TEKT4: variants seen among roughly 807,000 people sequenced by gnomAD.
TEKT4 encodes tektin 4.
In TEKT4, 46 loss-of-function variants were observed where a neutral mutation model predicts 46.0. The ratio of observed to expected loss-of-function variants is 1.00; its 90% confidence interval spans 0.79 to 1.28. The LOEUF (loss-of-function observed/expected upper bound fraction) is 1.28, where lower values mean the gene tolerates loss of function less well. TEKT4 is among the 50% of genes most tolerant of loss of function. The probability of loss-of-function intolerance (pLI) is 0.00; values close to 1 mark genes in which losing one functional copy is unlikely to be tolerated. For missense variants in TEKT4, 790 were observed against 622.9 expected, an observed-to-expected ratio of 1.27 and a Z score of -2.85; for synonymous variants, 325 against 265.8, an observed-to-expected ratio of 1.22 and a Z score of -2.17.
rs782220031 is a variant in TEKT4, at chr2:94,873,560, G to A, written c.539G>A (p.Arg180Lys). ...LIRNIQELLK[R>K]TIMQAVSQIR... ...CGGAACATTCAGGAGCTGCTGAAGA[G>A]AACCATCATGCAAGCAGTGAGCCAG... Residue 180 changes from arginine (R) to lysine (K), a missense_variant, in exon 2 of 6, where the codon AGA (arginine) becomes AAA (lysine). Transcript: ENST00000295201. 8.7e-6 allele frequency: 14 copies of A among 1,612,860 alleles called. No individual in the cohort carries two copies. Among genetic ancestry groups the A allele is most frequent in the Non-Finnish European group, 1.0e-5 (12 of 1,180,002 alleles).
chr2:94,874,725 G>A, intron 3 of TEKT4, 51 bp from the exon 4 acceptor site: 1 of 1,476,822 alleles, frequency 6.8e-7, no homozygotes, highest in Non-Finnish European at 9.0e-7. Context: ...AGGGCTCCCA[G>A]CCTTCGGCAG....
rs1350156755 is a variant in TEKT4 at position 94,871,953 on chromosome 2, G to A, written c.374G>A (p.Arg125Gln). 26 of 1,601,800 alleles carry A rather than the reference G, an allele frequency of 1.6e-5. No individual in the cohort carries two copies. The highest frequency in any genetic ancestry group is 3.4e-5 in the Admixed American group (2 of 59,474). ...AACTTGCTCCTGGCCCAGAAGCAACGGCTGGAGCGCGCCCTGGACGCCACA... is the reference window on the plus strand; with the variant it reads ...AACTTGCTCCTGGCCCAGAAGCAACAGCTGGAGCGCGCCCTGGACGCCACA... Reference protein sequence around the residue: ...ETNLLLAQKQRLERALDATEV... With the variant: ...ETNLLLAQKQQLERALDATEV... The change falls in exon 1 of 6, where the codon CGG becomes CAG. Residue 125 changes from arginine to glutamine, a missense_variant. Physicochemically the swap from Arg to Gln is conservative, Grantham distance 43. Transcript: ENST00000295201.
rs577396367 is a variant in TEKT4 at position 94,872,063 on chromosome 2, A to G, written c.484A>G (p.Thr162Ala). 3.2e-6 allele frequency: 5 copies of G among 1,545,634 alleles called. No individual in the cohort carries two copies. The South Asian group carries it at 5.9e-5, about 18-fold the overall frequency. The change falls in exon 1 of 6, where the codon ACG (threonine) becomes GCG (alanine). Residue 162 changes from threonine (T) to alanine (A), a missense_variant. Physicochemically the swap from Thr to Ala is moderately conservative, Grantham distance 58. Coordinates refer to ENST00000295201, the MANE Select transcript of TEKT4 (RefSeq NM_144705.4). ...HPNLVRDHVETELLKEAELIR... is the reference protein window; with the variant it reads ...HPNLVRDHVEAELLKEAELIR... ...CAACCTCGTGCGCGACCATGTGGAA[A>G]CGGAGCTGCTGAAGGTGCCAGCACC...
At chr2:94,872,893 C>A (rs556402371) in intron 1 of TEKT4, 6 of 1,289,394 alleles carry the variant, frequency 4.7e-6, no homozygotes, top group South Asian at 3.7e-5. Context: ...AACAAGGGCA[C>A]CTGCCAACTG....
At position 94,871,781 on chromosome 2, in the gene TEKT4, G is replaced by C. The variant is rs782562582; in HGVS notation, c.202G>C (p.Glu68Gln). The change falls in exon 1 of 6, where the codon GAG becomes CAG. Residue 68 changes from glutamate (E) to glutamine (Q), a missense_variant. Glu to Gln is a conservative substitution (Grantham distance 29). Transcript: ENST00000295201. ...CGACCAGTCGGAGCGGCAGCGGCAC[G>C]AGAGCCAGCAGCTGGCCACAGAGAC... is the stretch of plus-strand genomic sequence containing the variant. ...DRDQSERQRHESQQLATETQA... is the reference protein window; with the variant it reads ...DRDQSERQRHQSQQLATETQA... 1.2e-6 allele frequency: 2 copies of C among 1,612,090 alleles called. No individual in the cohort carries two copies. The highest frequency in any genetic ancestry group is 1.7e-5 in the Admixed American group (1 of 59,988).
rs558971848 is a variant in TEKT4, at chr2:94,872,051, G to A, written c.472G>A (p.Asp158Asn). 19 of 1,551,428 alleles carry A rather than the reference G, an allele frequency of 1.2e-5. No homozygotes were observed. In the East Asian group the frequency reaches 1.9e-4, roughly 16 times the overall value. Reference sequence around the variant, plus strand: ...CCGCGAGCACCCCAACCTCGTGCGCGACCATGTGGAAACGGAGCTGCTGAA... The same window carrying A: ...CCGCGAGCACCCCAACCTCGTGCGCAACCATGTGGAAACGGAGCTGCTGAA... ...ERREHPNLVR[D>N]HVETELLKEA... Residue 158 changes from aspartate to asparagine, a missense_variant, in exon 1 of 6, where the codon GAC becomes AAC. Coordinates refer to ENST00000295201, the MANE Select transcript of TEKT4 (RefSeq NM_144705.4).
At position 94,875,664 on chromosome 2, in the gene TEKT4, T is replaced by C. The variant is rs1573190026; in HGVS notation, c.1013T>C (p.Leu338Pro). 4 of 1,614,184 alleles carry C rather than the reference T, an allele frequency of 2.5e-6. No homozygotes were observed. Among genetic ancestry groups the C allele is most frequent in the Non-Finnish European group, 3.4e-6 (4 of 1,180,008 alleles). The stretch of plus-strand genomic sequence containing the variant: ...GCCATCAAGGACAAAGAGGCACCTC[T>C]GCACGTAGCCCAGACCCGGCTGTAC... ...KQAIKDKEAP[L>P]HVAQTRLYLR... The change falls in exon 5 of 6, where the codon CTG (leucine) becomes CCG (proline). Residue 338 changes from leucine (L) to proline (P), a missense_variant. Leu to Pro is a moderately conservative substitution (Grantham distance 98, BLOSUM62 -3). Transcript: ENST00000295201.
chr2:94,875,694 G>A lies in TEKT4; in HGVS notation c.1043G>A (p.Arg348His), dbSNP rs782476503. 16 of 1,613,990 alleles carry A rather than the reference G, an allele frequency of 9.9e-6. No homozygotes were observed. The highest frequency in any genetic ancestry group is 5.3e-5 in the African/African-American group (4 of 74,912). The change falls in exon 5 of 6, where the codon CGC (arginine) becomes CAC (histidine). Residue 348 changes from arginine (R) to histidine (H), a missense_variant. Transcript: ENST00000295201. Reference protein sequence around the residue: ...LHVAQTRLYLRSHRPNMELCR... With the variant: ...LHVAQTRLYLHSHRPNMELCR... ...GTAGCCCAGACCCGGCTGTACCTGC[G>A]CTCGCACCGGCCCAACATGGAGCTG...
intron 2 of TEKT4, 59 bp downstream of exon 2, chr2:94,873,649 C>G: frequency 3.1e-6 from 5 of 1,601,150 alleles, no homozygotes; most frequent in Non-Finnish European, 8.5e-7. Flanking sequence ...GGTCCTGGGG[C>G]AAGGCATTGA....
intron 4 of TEKT4, 119 bp from the exon 5 acceptor site, chr2:94,875,469 A>G: frequency 1.4e-6 from 2 of 1,469,872 alleles, no homozygotes; most frequent in Admixed American, 2.0e-5. Context: ...CCCCAGGGCC[A>G]CTGGTCAGGA....
Position 94,876,631 on chromosome 2 carries a change from G to A in TEKT4, c.1170G>A (p.Leu390=), listed in dbSNP as rs201397911. 2 of 1,613,198 alleles carry A rather than the reference G, an allele frequency of 1.2e-6. No individual in the cohort carries two copies. Among genetic ancestry groups the A allele is most frequent in the South Asian group, 1.1e-5 (1 of 90,990 alleles). The part of the protein sequence containing the change: ...REKLLEAEQS[L]RNLEDIHMSL... ...AGCTTCTAGAAGCGGAGCAGTCCCTGCGCAACCTCGAGGACATCCACATGA... is the reference window on the plus strand; with the variant it reads ...AGCTTCTAGAAGCGGAGCAGTCCCTACGCAACCTCGAGGACATCCACATGA... The change falls in exon 6 of 6, where the codon CTG becomes CTA. Residue 390 remains leucine, a synonymous_variant. Transcript: ENST00000295201.
At chr2:94,873,467 C>T in intron 1 of TEKT4, 53 bp from the exon 2 acceptor site, 1 of 1,611,264 alleles carries the variant, frequency 6.2e-7, no homozygotes, top group Non-Finnish European at 8.5e-7. Flanking sequence ...GCTGGGCCTC[C>T]TGGGATCCTC....
chr2:94,875,758 C>G lies in TEKT4; in HGVS notation c.1091+16C>G. 6.2e-7 allele frequency: 1 copy of G among 1,611,340 alleles called. No individual in the cohort carries two copies. Among genetic ancestry groups the G allele is most frequent in the East Asian group, 2.2e-5 (1 of 44,816 alleles). On this transcript the variant is annotated intron_variant, in intron 5 of 5. Coordinates refer to ENST00000295201, the MANE Select transcript of TEKT4 (RefSeq NM_144705.4). ...CCCAGTTCAGGTGCTGCCTGGGCCTCTGAGGCAGTCCCAGGTGGCCCTGTC... is the reference window on the plus strand; with the variant it reads ...CCCAGTTCAGGTGCTGCCTGGGCCTGTGAGGCAGTCCCAGGTGGCCCTGTC...
intron 3 of TEKT4, 67 bp downstream of exon 3, chr2:94,874,175 C>G: frequency 1.3e-6 from 2 of 1,562,268 alleles, no homozygotes; most frequent in Non-Finnish European, 1.7e-6. Context: ...CTGGGGGCCC[C>G]AGCGGCGCTG....
rs572043178 is a variant in TEKT4 at position 94,872,019 on chromosome 2, G to A, written c.440G>A (p.Arg147His). ...ATCACCACTGACAACCTGCAGTGCC[G>A]TGAGCGCCGCGAGCACCCCAACCTC... The part of the protein sequence containing the change: ...FSITTDNLQC[R>H]ERREHPNLVR... Residue 147 changes from arginine (R) to histidine (H), a missense_variant, in exon 1 of 6, where the codon CGT (arginine) becomes CAT (histidine). Transcript: ENST00000295201. 5.2e-5 allele frequency: 82 copies of A among 1,579,010 alleles called. No individual in the cohort carries two copies. The highest frequency in any genetic ancestry group is 2.0e-4 in the South Asian group (17 of 86,736).
chr2:94,871,474 C>G lies in TEKT4; in HGVS notation c.-106C>G, dbSNP rs1286540964. 1 of 1,388,184 alleles carries G rather than the reference C, an allele frequency of 7.2e-7. No homozygotes were observed. Among genetic ancestry groups the G allele is most frequent in the Non-Finnish European group, 9.5e-7 (1 of 1,052,146 alleles). 86.0% of individuals were successfully genotyped at this position (1,388,184 alleles called of 1,614,324 possible). A position where few individuals can be genotyped will look rare whatever the true frequency, so the allele number is the denominator to read the frequency against. On this transcript the variant is annotated 5_prime_UTR_variant, in exon 1 of 6. Coordinates refer to ENST00000295201, the MANE Select transcript of TEKT4 (RefSeq NM_144705.4). ...AAGCGACTGGGAGCCGCGTCCTGCTCTGGGACTGAGCCGTTGGAGCTGCCC... is the reference window on the plus strand; with the variant it reads ...AAGCGACTGGGAGCCGCGTCCTGCTGTGGGACTGAGCCGTTGGAGCTGCCC...
In TEKT4 at chr2:94,872,225, G is replaced by C. The variant is rs115366685; in HGVS notation, c.498+148G>C. ...TGAGACCCCTGAGTCCCGAAATCTG[G>C]CCCCTTAGTGACAGGAGGCAGCTTT... On this transcript the variant is annotated intron_variant, in intron 1 of 5. Coordinates refer to ENST00000295201, the MANE Select transcript of TEKT4 (RefSeq NM_144705.4). 5.4e-4 allele frequency: 578 copies of C among 1,067,336 alleles called. 5 individuals are homozygous for C. In the African/African-American group the frequency reaches 8.1e-3, roughly 15 times the overall value. The allele number at this position is 1,067,336 out of a possible 1,614,324, so 66.1% of individuals were successfully genotyped here.
rs1558606687 is a variant in TEKT4 at position 94,874,084 on chromosome 2, C to T, written c.689C>T (p.Pro230Leu). 7 of 1,613,552 alleles carry T rather than the reference C, an allele frequency of 4.3e-6. No homozygotes were observed. Among genetic ancestry groups the T allele is most frequent in the East Asian group, 2.2e-5 (1 of 44,866 alleles). Residue 230 changes from proline to leucine, a missense_variant, in exon 3 of 6, where the codon CCG (proline) becomes CTG (leucine). Physicochemically the swap from Pro to Leu is moderately conservative, Grantham distance 98. Transcript: ENST00000295201. Reference protein sequence around the residue: ...HSQSTEVQAHPYSTTFQESAS... With the variant: ...HSQSTEVQAHLYSTTFQESAS... The stretch of plus-strand genomic sequence containing the variant: ...CAGAGCACCGAGGTGCAGGCTCATC[C>T]GTACTCCACCACCTTCCAAGAGAGG...
At position 94,876,775 on chromosome 2, in the gene TEKT4, G is replaced by T. The variant is rs782636505; in HGVS notation, c.*6G>T. 4 of 1,602,798 alleles carry T rather than the reference G, an allele frequency of 2.5e-6. No homozygotes were observed. The highest frequency in any genetic ancestry group is 2.5e-6 in the Non-Finnish European group (3 of 1,179,308). On this transcript the variant is annotated 3_prime_UTR_variant, in exon 6 of 6. Transcript: ENST00000295201. ...AGCTGGCTGGCTACCAGTGAGCAGC[G>T]GCACGGTGCTTCCCCCCAGTCCCCC... is the stretch of plus-strand genomic sequence containing the variant.
Sources: allele counts gnomAD v4.1 joint callset, GRCh38; gene constraint gnomAD v4.1.1; transcripts MANE v1.5; gene names NCBI Gene and HGNC (gene_info 2026-07-23, HGNC 2026-07-21).